RBFOX3: variants seen among roughly 807,000 people sequenced by gnomAD.
RBFOX3 encodes the protein RNA binding protein fox-1 homolog 3.
Under a neutral mutation model 48.7 loss-of-function variants are expected in RBFOX3, and 17 were observed. The ratio of observed to expected loss-of-function variants is 0.35; its 90% CI spans 0.24 to 0.52. RBFOX3 has a LOEUF of 0.52. Among genes scored for constraint, RBFOX3 ranks in the 20% least tolerant of loss-of-function variants. The pLI, the probability that RBFOX3 is intolerant of heterozygous loss-of-function variation, is 0.94. For missense variants in RBFOX3, 382 were observed against 497.5 expected, an observed-to-expected ratio of 0.77 and a Z score of 2.21; for synonymous variants, 212 against 209.5, an observed-to-expected ratio of 1.01 and a Z score of -0.10.
chr17:79,495,262 G>A (rs76733042), intron 1 of RBFOX3, among the ~76,000 whole-genome samples: 102,685 of 109,270 alleles, frequency 0.94, 48,673 homozygotes, highest in Non-Finnish European at 0.98. Context: ...CCTGAAGGGG[G>A]GAAGGGAGGG....
intron 4 of RBFOX3, among the ~76,000 whole-genome samples, chr17:79,231,470 C>T (rs1037778851): frequency 1.3e-5 from 2 of 152,096 alleles, no homozygotes; most frequent in Non-Finnish European, 2.9e-5. Context: ...AGGATAAATA[C>T]AGCCCTGGGC....
chr17:79,591,909 C>T (rs1267711380), intron 1 of RBFOX3, among the ~76,000 whole-genome samples: 2 of 148,170 alleles, frequency 1.3e-5, no homozygotes, highest in Admixed American at 6.7e-5. Flanking sequence ...GAGGGGTGTG[C>T]ATGTGTGGAG....
At chr17:79,119,962 A>T (rs2035243484) in intron 4 of RBFOX3, among the ~76,000 whole-genome samples, 2 of 152,240 alleles carry the variant, frequency 1.3e-5, no homozygotes, top group Non-Finnish European at 2.9e-5. Flanking sequence ...TATCAGGCCC[A>T]TCCTGATAGG....
rs2076771885 is a variant in RBFOX3, at chr17:79,469,342, G to A, written c.-175+13112C>T. Among the ~76,000 whole-genome samples, 7 of 152,320 alleles carry A rather than the reference G, an allele frequency of 4.6e-5. No homozygotes were observed. The South Asian group carries it at 1.5e-3, about 32-fold the overall frequency. On this transcript the variant is annotated intron_variant, in intron 2 of 14. Coordinates refer to ENST00000693108, the MANE Select transcript of RBFOX3 (RefSeq NM_001350451.2). The stretch of plus-strand genomic sequence containing the variant: ...TGCCCATCTCCCTGCAGCAGCACTG[G>A]GGCCCCTTGGCCGCCCATGCAGTCC...
At chr17:79,459,336 G>A (rs747111903) in intron 2 of RBFOX3, among the ~76,000 whole-genome samples, 1 of 152,144 alleles carries the variant, frequency 6.6e-6, no homozygotes, top group Non-Finnish European at 1.5e-5. Context: ...GGAGGGCAGG[G>A]GCGGATGTGC....
At chr17:79,356,920 G>A (rs915493460) in intron 2 of RBFOX3, among the ~76,000 whole-genome samples, 2 of 152,142 alleles carry the variant, frequency 1.3e-5, no homozygotes, top group East Asian at 1.9e-4. Flanking sequence ...CTCCTGTCGG[G>A]CTGAGCCTCC....
intron 1 of RBFOX3, among the ~76,000 whole-genome samples, chr17:79,515,764 G>C (rs928879113): frequency 6.6e-6 from 1 of 151,996 alleles, no homozygotes; most frequent in Admixed American, 6.6e-5. Context: ...GCAGGCATTC[G>C]AGGCTCCCGG....
chr17:79,640,957 T>A, the RBFOX3 span, among the ~76,000 whole-genome samples: 2 of 152,092 alleles, frequency 1.3e-5, no homozygotes, highest in African/African-American at 4.8e-5. Context: ...TAAGTGAGAT[T>A]GCATCAAACT....
At chr17:79,335,627 G>C (rs888593562) in intron 2 of RBFOX3, among the ~76,000 whole-genome samples, 2 of 152,160 alleles carry the variant, frequency 1.3e-5, no homozygotes, top group African/African-American at 4.8e-5. Flanking sequence ...CCCAGCCTCC[G>C]CCATCTGGCT....
chr17:79,287,941 G>A (rs910234816), intron 3 of RBFOX3, among the ~76,000 whole-genome samples: 5 of 152,148 alleles, frequency 3.3e-5, no homozygotes, highest in Admixed American at 6.5e-5. Context: ...TGCATGGGAC[G>A]CGCTCTGCCA....
chr17:79,587,395 T>G (rs2093284311), intron 1 of RBFOX3, among the ~76,000 whole-genome samples: 1 of 152,202 alleles, frequency 6.6e-6, no homozygotes, highest in African/African-American at 2.4e-5. Context: ...TCCCAAGACC[T>G]CCACCTTGCA....
chr17:79,201,950 A>G (rs2056819214), intron 4 of RBFOX3, among the ~76,000 whole-genome samples: 1 of 152,180 alleles, frequency 6.6e-6, no homozygotes, highest in South Asian at 2.1e-4. Context: ...GCTCAGCTTC[A>G]TGCTGACACC....
chr17:79,109,270 A>G (rs1003411107), intron 5 of RBFOX3, among the ~76,000 whole-genome samples: 1 of 151,970 alleles, frequency 6.6e-6, no homozygotes, highest in African/African-American at 2.4e-5. Context: ...GTGGGGGCTG[A>G]GCTTTGGCAC....
chr17:79,178,480 C>G (rs2051112865), intron 4 of RBFOX3, among the ~76,000 whole-genome samples: 1 of 152,210 alleles, frequency 6.6e-6, no homozygotes, highest in Admixed American at 6.5e-5. Context: ...AGCCCCAATT[C>G]TGGAATCTGG....
At chr17:79,594,303 AG>A (rs1278255527) in intron 1 of RBFOX3, among the ~76,000 whole-genome samples, 3 of 152,108 alleles carry the variant, frequency 2.0e-5, no homozygotes, top group Admixed American at 2.0e-4. Context: ...CTGCATATGG[AG>A]CTGTGGAGAC....
intron 4 of RBFOX3, among the ~76,000 whole-genome samples, chr17:79,150,882 C>T (rs1368810069): frequency 4.6e-5 from 7 of 152,144 alleles, no homozygotes; most frequent in East Asian, 3.9e-4. Context: ...AATGGGAGGA[C>T]GAGGGCTTGC....
chr17:79,558,601 G>A (rs1326766533), intron 1 of RBFOX3, among the ~76,000 whole-genome samples: 2 of 152,076 alleles, frequency 1.3e-5, no homozygotes, highest in African/African-American at 2.4e-5. Flanking sequence ...CCTCCCGGCC[G>A]GGCTCCATGC....
intron 1 of RBFOX3, chr17:79,599,320 T>C (rs1018666233): frequency 2.0e-5 from 3 of 152,312 alleles, no homozygotes; most frequent in Non-Finnish European, 4.4e-5. Flanking sequence ...CCTTGAAGGG[T>C]CCAGCTGGCC....
At chr17:79,314,862 G>T (rs368533138) in intron 2 of RBFOX3, among the ~76,000 whole-genome samples, 52 of 150,970 alleles carry the variant, frequency 3.4e-4, no homozygotes, top group African/African-American at 1.2e-3. Context: ...GGGGAACGGG[G>T]CTGGGTGTGC....
Sources: allele counts gnomAD v4.1 joint callset (sites outside exome capture counted in the v4.1 genomes callset), GRCh38; gene constraint gnomAD v4.1.1; transcripts MANE v1.5; gene names NCBI Gene and HGNC (gene_info 2026-07-23, HGNC 2026-07-21).